The following PLSCR2 variants were observed in gnomAD, a reference collection of about 807,000 sequenced individuals.
PLSCR2 encodes phospholipid scramblase 2, also known as PL scramblase 2.
A neutral mutation model predicts 25.3 loss-of-function variants in PLSCR2; 18 were observed. The ratio of observed to expected loss-of-function variants is 0.71; its 90% CI spans 0.49 to 1.06. The LOEUF (loss-of-function observed/expected upper bound fraction) is 1.06. PLSCR2 is among the 50% of genes least tolerant of loss of function. The probability of loss-of-function intolerance (pLI) is 0.00; values close to 1 mark genes in which losing one functional copy is unlikely to be tolerated. For missense variants in PLSCR2, 243 were observed against 269.5 expected (o/e 0.90, Z 0.69); for synonymous variants, 88 against 87.3 (o/e 1.01, Z -0.04).
intron 5 of PLSCR2, 127 bp from the exon 6 acceptor site, chr3:146,449,494 AAT>A (rs1036826727): frequency 3.5e-6 from 2 of 569,500 alleles, no homozygotes; most frequent in Non-Finnish European, 6.0e-6. Flanking sequence ...GTATACAGTT[AAT>A]ATGTTATATT....
downstream of PLSCR2, among the ~76,000 whole-genome samples, chr3:146,441,061 T>G (rs1427316393): frequency 6.6e-6 from 1 of 150,590 alleles, no homozygotes; most frequent in African/African-American, 2.4e-5. Flanking sequence ...AGTCATGTCT[T>G]TCTTTATTTA....
rs200081885 is a variant in PLSCR2 at position 146,455,364 on chromosome 3, G to A, written c.196C>T (p.Arg66Ter). The A allele has an allele frequency of 4.5e-5, 72 of 1,612,664 alleles. No individual in the cohort carries two copies. Among genetic ancestry groups the A allele is most frequent in the South Asian group, 5.5e-5 (5 of 91,058 alleles). ...GGTCTAGACCGCCCACAGCAATTTC[G>A]GATACAGAAATTAGTATCTTCTGCT... Residue 66 changes from arginine (R) to a stop codon, truncating the protein, a stop_gained, in exon 4 of 7, where the codon CGA (arginine) becomes TGA (stop). Coordinates refer to ENST00000610787, the Ensembl canonical transcript of PLSCR2. LOFTEE classifies it high-confidence loss of function.
At chr3:146,403,612 C>T (rs1267353371) in intron 2 of PLSCR2, among the ~76,000 whole-genome samples, 1 of 152,066 alleles carries the variant, frequency 6.6e-6, no homozygotes, top group Non-Finnish European at 1.5e-5. Context: ...TTTGAATTTC[C>T]ACAATTAGTT....
exon 5 of PLSCR2, chr3:146,454,126 T>C (rs765560594): frequency 1.2e-6 from 2 of 1,604,610 alleles, no homozygotes; most frequent in Non-Finnish European, 1.7e-6. Context: ...CTGAGTAACA[T>C]AACCTACTGG....
intron 1 of PLSCR2, among the ~76,000 whole-genome samples, chr3:146,495,543 C>T (rs1406224181): frequency 2.6e-5 from 4 of 151,964 alleles, no homozygotes; most frequent in East Asian, 1.9e-4. Flanking sequence ...GGAGCAATGC[C>T]CTTATAGAAA....
rs893017201 is a variant in PLSCR2 at position 146,455,186 on chromosome 3, T to C, written c.321+53A>G. Reference sequence around the variant, plus strand: ...TGATTATACAGATTCAATAAAAGGGTGGAAATCCTTGCTGAACTACTTTAT... The same window carrying C: ...TGATTATACAGATTCAATAAAAGGGCGGAAATCCTTGCTGAACTACTTTAT... On this transcript the variant is annotated intron_variant, in intron 4 of 6. Transcript: ENST00000610787. 5 of 1,148,576 alleles carry C rather than the reference T, an allele frequency of 4.4e-6. No individual in the cohort carries two copies. The African/African-American group carries it at 7.6e-5, about 17-fold the overall frequency. 71.1% of individuals were successfully genotyped at this position (1,148,576 alleles called of 1,614,324 possible). A position where few individuals can be genotyped will look rare whatever the true frequency, so the allele number is the denominator to read the frequency against.
upstream of PLSCR2, chr3:146,461,826 A>G (rs1479389457): frequency 1.1e-6 from 1 of 890,782 alleles, no homozygotes; most frequent in Non-Finnish European, 1.8e-6. Context: ...GGTGTCATTG[A>G]TAATTACTGG....
Position 146,442,910 on chromosome 3 carries a change from G to T in PLSCR2, c.646-1089C>A, listed in dbSNP as rs530170895. Among the ~76,000 whole-genome samples, 9 of 152,120 alleles carry T rather than the reference G, an allele frequency of 5.9e-5. No homozygotes were observed. The South Asian group carries it at 1.9e-3, about 31-fold the overall frequency. ...TATTGGTTTGAGAAATGATTTCTTGGATATGACCTAAAAAGCACAGACAGC... is the reference window on the plus strand; with the variant it reads ...TATTGGTTTGAGAAATGATTTCTTGTATATGACCTAAAAAGCACAGACAGC... On this transcript the variant is annotated intron_variant, in intron 6 of 6. Coordinates refer to ENST00000610787, the Ensembl canonical transcript of PLSCR2.
At chr3:146,467,708 AG>A (rs67354876) in intron 1 of PLSCR2, among the ~76,000 whole-genome samples, 67,427 of 151,876 alleles carry the variant, frequency 0.44, 15,705 homozygotes, top group East Asian at 0.61. Context: ...TACAATAAAA[AG>A]GATATGGAGT....
At chr3:146,432,219 T>C (rs1217014919), downstream of PLSCR2, among the ~76,000 whole-genome samples, 1 of 152,204 alleles carries the variant, frequency 6.6e-6, no homozygotes, top group East Asian at 1.9e-4. Context: ...CTTAATTTTG[T>C]TGGGGAGAAC....
chr3:146,454,912 C>T (rs2041110764), intron 4 of PLSCR2, among the ~76,000 whole-genome samples: 1 of 152,100 alleles, frequency 6.6e-6, no homozygotes, highest in Admixed American at 6.6e-5. Flanking sequence ...TTCAATGGTG[C>T]AACTCTGCTG....
chr3:146,402,726 C>A (rs897439784), intron 2 of PLSCR2, among the ~76,000 whole-genome samples: 1 of 152,088 alleles, frequency 6.6e-6, no homozygotes, highest in South Asian at 2.1e-4. Context: ...CCTCTGCCTC[C>A]CAAAGTGCTG....
chr3:146,480,312 A>G (rs1338992840), intron 1 of PLSCR2, among the ~76,000 whole-genome samples: 1 of 152,198 alleles, frequency 6.6e-6, no homozygotes, highest in African/African-American at 2.4e-5. Flanking sequence ...GCTTTGTGAA[A>G]AGATCAACAA....
At chr3:146,485,035 G>GA (rs1217555194) in intron 1 of PLSCR2, among the ~76,000 whole-genome samples, 64 of 151,660 alleles carry the variant, frequency 4.2e-4, no homozygotes, top group Non-Finnish European at 8.1e-4. Context: ...GCTGTATTCA[G>GA]GAGACCTATC....
At chr3:146,419,880 C>T (rs1450308771) in intron 2 of PLSCR2, among the ~76,000 whole-genome samples, 3 of 151,996 alleles carry the variant, frequency 2.0e-5, no homozygotes, top group Non-Finnish European at 4.4e-5. Context: ...TTAACTTAAT[C>T]ACATATGTGC....
intron 1 of PLSCR2, among the ~76,000 whole-genome samples, chr3:146,467,320 A>G (rs150195767): frequency 1.6e-4 from 25 of 152,296 alleles, no homozygotes; most frequent in African/African-American, 5.5e-4. Context: ...TGAGTCTTAA[A>G]GTCAGTTATT....
intron 1 of PLSCR2, among the ~76,000 whole-genome samples, chr3:146,483,345 T>C (rs1312896855): frequency 2.0e-5 from 3 of 148,658 alleles, no homozygotes; most frequent in Non-Finnish European, 1.5e-5. Context: ...GACGAGTTGA[T>C]GGGTGCAGCA....
At chr3:146,406,553 C>T (rs1334514881) in intron 2 of PLSCR2, among the ~76,000 whole-genome samples, 2 of 152,058 alleles carry the variant, frequency 1.3e-5, no homozygotes, top group Admixed American at 6.6e-5. Flanking sequence ...TAGGAAGGCG[C>T]AGAGGACATA....
At chr3:146,415,088 C>G (rs1400006224) in intron 2 of PLSCR2, 2 of 152,524 alleles carry the variant, frequency 1.3e-5, no homozygotes, top group Non-Finnish European at 2.9e-5. Context: ...CAAGTTATAT[C>G]TTAAAGAATT....
Sources: allele counts gnomAD v4.1 joint callset (sites outside exome capture counted in the v4.1 genomes callset), GRCh38; gene constraint gnomAD v4.1.1; transcripts MANE v1.5; gene names NCBI Gene and HGNC (gene_info 2026-07-23, HGNC 2026-07-21).